The following ARHGAP22 variants were observed in gnomAD, a reference collection of about 807,000 sequenced individuals.
The protein encoded by ARHGAP22 is rho GTPase-activating protein 22.
A neutral mutation model predicts 59.1 loss-of-function variants in ARHGAP22; 48 were observed. The observed-to-expected ratio is 0.81, with a 90% CI of 0.64 to 1.03. The LOEUF is 1.03. Among genes scored for constraint, ARHGAP22 ranks in the 50% least tolerant of loss-of-function variants. The pLI, the probability that ARHGAP22 is intolerant of heterozygous loss-of-function variation, is 0.00. For synonymous variants in ARHGAP22, 445 were observed against 416.4 expected (o/e 1.07, Z -0.84); for missense variants, 1,015 against 958.7 (o/e 1.06, Z -0.78).
At chr10:48,473,350 G>A (rs2048397734) in intron 4 of ARHGAP22, among the ~76,000 whole-genome samples, 1 of 152,240 alleles carries the variant, frequency 6.6e-6, no homozygotes, top group Non-Finnish European at 1.5e-5. Flanking sequence ...GAAAGCCAGA[G>A]TTTCAGTTTG....
chr10:48,548,212 C>T (rs913951151), intron 3 of ARHGAP22, among the ~76,000 whole-genome samples: 7 of 152,194 alleles, frequency 4.6e-5, no homozygotes, highest in South Asian at 2.1e-4. Context: ...ACAGCCCAGC[C>T]GCTTGCCCCT....
intron 2 of ARHGAP22, among the ~76,000 whole-genome samples, chr10:48,574,531 A>T (rs537690832): frequency 2.2e-4 from 34 of 152,358 alleles, no homozygotes; most frequent in African/African-American, 7.7e-4. Flanking sequence ...TGCTAAGTCA[A>T]CTTGAGCTGG....
chr10:48,503,526 G>A (rs1382203124), intron 3 of ARHGAP22, among the ~76,000 whole-genome samples: 1 of 152,202 alleles, frequency 6.6e-6, no homozygotes, highest in Non-Finnish European at 1.5e-5. Flanking sequence ...TACCGTCACT[G>A]GCACCACCAC....
intron 2 of ARHGAP22, among the ~76,000 whole-genome samples, chr10:48,580,170 A>G (rs553784815): frequency 6.6e-6 from 1 of 152,354 alleles, no homozygotes; most frequent in East Asian, 1.9e-4. Flanking sequence ...CTGGCAATAA[A>G]TGCCCTGGTT....
At chr10:48,504,129 C>A (rs1006967337) in intron 3 of ARHGAP22, among the ~76,000 whole-genome samples, 2 of 152,128 alleles carry the variant, frequency 1.3e-5, no homozygotes, top group Admixed American at 1.3e-4. Flanking sequence ...CCTGGGGACT[C>A]CATTTGGCCT....
At chr10:48,651,980 C>T (rs763258197) in intron 1 of ARHGAP22, among the ~76,000 whole-genome samples, 25 of 152,248 alleles carry the variant, frequency 1.6e-4, no homozygotes, top group Non-Finnish European at 2.9e-4. Context: ...GCAATCAGAG[C>T]CCTGAGTCAT....
intron 5 of ARHGAP22, among the ~76,000 whole-genome samples, chr10:48,458,015 A>G (rs2046739280): frequency 6.6e-6 from 1 of 152,010 alleles, no homozygotes; most frequent in Non-Finnish European, 1.5e-5. Flanking sequence ...CTGTGGGTAC[A>G]GCTGCAGAGC....
intron 2 of ARHGAP22, 76 bp from the exon 3 acceptor site, chr10:48,555,626 G>A: frequency 6.8e-7 from 1 of 1,480,844 alleles, no homozygotes; most frequent in Non-Finnish European, 9.4e-7. Context: ...GGTCCCTGGA[G>A]AGGAGAGGTT....
intron 3 of ARHGAP22, among the ~76,000 whole-genome samples, chr10:48,550,416 G>A (rs1433445302): frequency 1.3e-5 from 2 of 152,184 alleles, no homozygotes; most frequent in Non-Finnish European, 2.9e-5. Context: ...AACCAGCCTT[G>A]CCTTCCTCCT....
chr10:48,443,821 A>G (rs72794395), downstream of ARHGAP22: 5,522 of 152,318 alleles, frequency 0.036, 135 homozygotes, highest in Non-Finnish European at 0.048. Context: ...TCAAAAGCCA[A>G]TTAAGACAAG....
At chr10:48,455,712 A>G (rs2046430542) in intron 5 of ARHGAP22, among the ~76,000 whole-genome samples, 1 of 152,180 alleles carries the variant, frequency 6.6e-6, no homozygotes, top group Admixed American at 6.5e-5. Flanking sequence ...GGTGCTGCCA[A>G]CCCCCAGCCC....
At chr10:48,494,621 G>A (rs1867582) in intron 3 of ARHGAP22, among the ~76,000 whole-genome samples, 93,379 of 151,888 alleles carry the variant, frequency 0.61, 29,017 homozygotes, top group African/African-American at 0.65. Context: ...CCATCTGTCC[G>A]TCCATCCATC....
intron 4 of ARHGAP22, among the ~76,000 whole-genome samples, chr10:48,463,287 T>A (rs753757907): frequency 1.3e-5 from 2 of 152,230 alleles, no homozygotes; most frequent in African/African-American, 2.4e-5. Context: ...CGTTCACCTC[T>A]TCTGCTTTGA....
chr10:48,465,039 A>G (rs999371141), intron 4 of ARHGAP22, among the ~76,000 whole-genome samples: 1 of 152,058 alleles, frequency 6.6e-6, no homozygotes, highest in Non-Finnish European at 1.5e-5. Flanking sequence ...TAGGGGCCCC[A>G]CCAATCCCTC....
At chr10:48,647,805 G>A (rs1283887610) in intron 1 of ARHGAP22, among the ~76,000 whole-genome samples, 1 of 152,214 alleles carries the variant, frequency 6.6e-6, no homozygotes, top group African/African-American at 2.4e-5. Context: ...ATCAACGGGT[G>A]AGCGGAGAAA....
At chr10:48,617,852 A>T (rs919542156) in intron 1 of ARHGAP22, among the ~76,000 whole-genome samples, 1 of 152,046 alleles carries the variant, frequency 6.6e-6, no homozygotes, top group Non-Finnish European at 1.5e-5. Context: ...GAGCAGAAAT[A>T]AGTGCAACTG....
At position 48,446,556 on chromosome 10, in the gene ARHGAP22, C is replaced by T. The variant is rs755062864; in HGVS notation, c.1932G>A (p.Gln644=). Residue 644 remains glutamine (Q), a synonymous_variant, in exon 10 of 10, where the codon CAG becomes CAA. Coordinates refer to ENST00000249601, the MANE Select transcript of ARHGAP22 (RefSeq NM_021226.4). The part of the protein sequence containing the change: ...RMSRLEEELD[Q]EKKKYIMLEI... ...CCAGCATGATGTATTTTTTCTTTTC[C>T]TGGTCCAGTTCTTCTTCTAACCGGG... The T allele has an allele frequency of 1.5e-5, 25 of 1,614,150 alleles. No individual in the cohort carries two copies. The highest frequency in any genetic ancestry group is 2.1e-5 in the Non-Finnish European group (25 of 1,180,024).
At chr10:48,582,870 T>A in intron 2 of ARHGAP22, 83 bp downstream of exon 2, 1 of 1,513,616 alleles carries the variant, frequency 6.6e-7, no homozygotes, top group Non-Finnish European at 9.1e-7. Flanking sequence ...GCTCTGTGCC[T>A]TCCTCCCTTC....
intron 8 of ARHGAP22, chr10:48,451,425 G>A (rs752129859): frequency 4.8e-5 from 34 of 703,686 alleles, no homozygotes; most frequent in Non-Finnish European, 8.3e-5. Flanking sequence ...GGTGGGGTGA[G>A]GAAGCAGGCA....
Sources: gnomAD v4.1 joint callset for allele counts (sites outside exome capture counted in the v4.1 genomes callset) on GRCh38, gnomAD v4.1.1 for gene constraint, MANE v1.5 for transcripts, NCBI Gene and HGNC (gene_info 2026-07-23, HGNC 2026-07-21) for gene names.